NELL2: variants seen among roughly 807,000 people sequenced by gnomAD.
NELL2 encodes the protein protein kinase C-binding protein NELL2.
A neutral mutation model predicts 109.6 loss-of-function variants in NELL2; 41 were observed. That is an observed-to-expected ratio of 0.37 (90% confidence interval 0.29 to 0.49). NELL2 has a LOEUF of 0.49. Ranked by LOEUF, NELL2 falls within the 20% of genes least tolerant of loss-of-function variation. NELL2 has a pLI of 0.98. For synonymous variants in NELL2, 355 were observed against 344.7 expected (o/e 1.03, Z -0.33); for missense variants, 900 against 1,008.3 (o/e 0.89, Z 1.45).
intron 12 of NELL2, among the ~76,000 whole-genome samples, chr12:44,669,223 G>A (rs545095281): frequency 1.1e-4 from 17 of 152,192 alleles, no homozygotes; most frequent in Non-Finnish European, 1.8e-4. Flanking sequence ...CCAACAATAC[G>A]TACACATCTA....
chr12:44,690,189 A>G (rs1304352587), intron 12 of NELL2, among the ~76,000 whole-genome samples: 1 of 152,200 alleles, frequency 6.6e-6, no homozygotes, highest in Non-Finnish European at 1.5e-5. Flanking sequence ...GGTGGTTTTG[A>G]TGCAGCCTGA....
rs1434059914 is a variant in NELL2 at position 44,842,832 on chromosome 12, C to T, written c.185-26696G>A. Among the ~76,000 whole-genome samples, 3 of 151,590 alleles carry T rather than the reference C, an allele frequency of 2.0e-5. No individual in the cohort carries two copies. In the East Asian group the frequency reaches 5.8e-4, roughly 29 times the overall value. On this transcript the variant is annotated intron_variant, in intron 2 of 19. Coordinates refer to ENST00000429094, the MANE Select transcript of NELL2 (RefSeq NM_001145108.2). ...AGACACACAGAGACAGACACGCACA[C>T]AGAGGGAAGAGGCCCACGTGCAGAT...
At chr12:44,788,334 T>C (rs918244794) in intron 3 of NELL2, among the ~76,000 whole-genome samples, 3 of 152,118 alleles carry the variant, frequency 2.0e-5, no homozygotes, top group Admixed American at 6.5e-5. Flanking sequence ...CTCCAAACAC[T>C]GAGTGCTCCA....
chr12:44,546,627 G>A (rs1013496063), intron 15 of NELL2, among the ~76,000 whole-genome samples: 1 of 152,110 alleles, frequency 6.6e-6, no homozygotes, highest in Non-Finnish European at 1.5e-5. Flanking sequence ...GCACTGTCTG[G>A]CTCTGTCAAT....
At chr12:44,831,606 T>C (rs554029236) in intron 2 of NELL2, among the ~76,000 whole-genome samples, 1 of 152,322 alleles carries the variant, frequency 6.6e-6, no homozygotes, top group South Asian at 2.1e-4. Context: ...CATTCCCCTA[T>C]ATCCTTTTCA....
chr12:44,592,032 T>C (rs953904077), intron 15 of NELL2, among the ~76,000 whole-genome samples: 1 of 152,114 alleles, frequency 6.6e-6, no homozygotes, highest in African/African-American at 2.4e-5. Context: ...AAGGAGAGTT[T>C]TTCGGAAGAG....
chr12:44,902,998 G>A (rs939700831), intron 1 of NELL2, among the ~76,000 whole-genome samples: 1 of 152,176 alleles, frequency 6.6e-6, no homozygotes, highest in African/African-American at 2.4e-5. Flanking sequence ...CATGGGCAAA[G>A]ACTTCATGAC....
intron 12 of NELL2, among the ~76,000 whole-genome samples, chr12:44,680,808 C>T (rs1181251354): frequency 6.6e-6 from 1 of 152,112 alleles, no homozygotes; most frequent in Non-Finnish European, 1.5e-5. Context: ...TCCCCCAAAT[C>T]GCAGTTATTG....
At chr12:44,798,111 TA>T (rs1241015017) in intron 3 of NELL2, among the ~76,000 whole-genome samples, 1 of 138,906 alleles carries the variant, frequency 7.2e-6, no homozygotes, top group Non-Finnish European at 1.7e-5. Context: ...AATGATGGAA[TA>T]AAATCATTCC....
Position 44,608,527 on chromosome 12 carries a change from G to A in NELL2, c.1568-1263C>T, listed in dbSNP as rs924555961. On this transcript the variant is annotated intron_variant, in intron 14 of 19. Coordinates refer to ENST00000429094, the MANE Select transcript of NELL2 (RefSeq NM_001145108.2). The stretch of plus-strand genomic sequence containing the variant: ...TTCCAAACAAAGATATACAGGAACC[G>A]AACAGTCTTTATTCGGGCAACCTGT... Among the ~76,000 whole-genome samples the A allele has an allele frequency of 2.0e-5, 3 of 151,994 alleles. 1 individual carries two copies. The highest frequency in any genetic ancestry group is 2.9e-5 in the Non-Finnish European group (2 of 67,926).
chr12:44,736,911 C>A (rs1390602663), intron 9 of NELL2, among the ~76,000 whole-genome samples: 1 of 151,828 alleles, frequency 6.6e-6, no homozygotes, highest in African/African-American at 2.4e-5. Flanking sequence ...TAGAAAATTT[C>A]CTAATTTATT....
At chr12:44,601,505 A>G (rs1202273076) in intron 15 of NELL2, among the ~76,000 whole-genome samples, 2 of 152,192 alleles carry the variant, frequency 1.3e-5, no homozygotes, top group Non-Finnish European at 2.9e-5. Flanking sequence ...AGTACAGTAA[A>G]ATTATACTTA....
At chr12:44,600,098 A>G (rs1945150537) in intron 15 of NELL2, among the ~76,000 whole-genome samples, 1 of 150,672 alleles carries the variant, frequency 6.6e-6, no homozygotes, top group Non-Finnish European at 1.5e-5. Context: ...AGTAGCTGGG[A>G]CTGCAGGCGC....
At position 44,816,746 on chromosome 12, in the gene NELL2, T is replaced by G. The variant is rs562839094; in HGVS notation, c.185-610A>C. Among the ~76,000 whole-genome samples, 9 of 152,318 alleles carry G rather than the reference T, an allele frequency of 5.9e-5. No homozygotes were observed. In the South Asian group the frequency reaches 1.7e-3, roughly 28 times the overall value. On this transcript the variant is annotated intron_variant, in intron 2 of 19. Coordinates refer to ENST00000429094, the MANE Select transcript of NELL2 (RefSeq NM_001145108.2). ...TATTGAAAAAAAGAATACGTAGAAC[T>G]TAATTCCCATTTCCTCCCCAGTCTT...
chr12:44,695,331 A>T (rs838973), intron 12 of NELL2, among the ~76,000 whole-genome samples: 1 of 151,684 alleles, frequency 6.6e-6, no homozygotes, highest in African/African-American at 2.4e-5. Context: ...CAATTTTTAA[A>T]GTAGTTAACT....
intron 2 of NELL2, among the ~76,000 whole-genome samples, chr12:44,831,964 C>T (rs1943901410): frequency 6.6e-6 from 1 of 152,184 alleles, no homozygotes; most frequent in Non-Finnish European, 1.5e-5. Context: ...TCCATCTCCC[C>T]AAGCTTCCTA....
chr12:44,839,395 C>T (rs887073422), intron 2 of NELL2, among the ~76,000 whole-genome samples: 4 of 151,904 alleles, frequency 2.6e-5, no homozygotes, highest in African/African-American at 9.7e-5. Context: ...TAATGATATA[C>T]AATAGAACAC....
At chr12:44,545,303 T>C (rs920497269) in intron 15 of NELL2, among the ~76,000 whole-genome samples, 1 of 152,060 alleles carries the variant, frequency 6.6e-6, no homozygotes, top group Non-Finnish European at 1.5e-5. Context: ...TGTTAAGTAT[T>C]TGAAATAGTC....
At chr12:44,899,843 C>T (rs911045767) in intron 1 of NELL2, among the ~76,000 whole-genome samples, 18 of 152,222 alleles carry the variant, frequency 1.2e-4, no homozygotes, top group African/African-American at 3.4e-4. Context: ...CAGGACCCAT[C>T]GGTGTGCTAT....
Sources: gnomAD v4.1 joint callset for allele counts (sites outside exome capture counted in the v4.1 genomes callset) on GRCh38, gnomAD v4.1.1 for gene constraint, MANE v1.5 for transcripts, NCBI Gene and HGNC (gene_info 2026-07-23, HGNC 2026-07-21) for gene names.